The following CCDC9B variants were observed in gnomAD, a reference collection of about 807,000 sequenced individuals.
CCDC9B encodes coiled-coil domain containing 9B.
CCDC9B carries 40 observed loss-of-function variants against 47.2 expected under a neutral mutation model. That is an observed-to-expected ratio of 0.85 (90% CI 0.66 to 1.10). CCDC9B has a LOEUF of 1.10. Ranked by LOEUF, CCDC9B falls within the 50% of genes least tolerant of loss-of-function variation. CCDC9B has a pLI of 0.00. For synonymous variants in CCDC9B, 238 were observed against 250.7 expected, an observed-to-expected ratio of 0.95 and a Z score of 0.48; for missense variants, 662 against 651.0, an observed-to-expected ratio of 1.02 and a Z score of -0.18.
At chr15:40,339,686 AGG>A in intron 2 of CCDC9B, 67 bp from the exon 3 acceptor site, 2 of 1,596,686 alleles carry the variant, frequency 1.3e-6, no homozygotes, top group South Asian at 2.2e-5. Context: ...AGATGCTGAT[AGG>A]CCTACACAGA....
intron 1 of CCDC9B, 72 bp downstream of exon 1, chr15:40,340,736 G>C: frequency 6.9e-7 from 1 of 1,457,294 alleles, no homozygotes; most frequent in Non-Finnish European, 9.3e-7. Context: ...TGCCCCCAGA[G>C]GGTGGCTGCC....
Position 40,339,932 on chromosome 15 carries a change from C to T in CCDC9B, c.96G>A (p.Lys32=), listed in dbSNP as rs749899090. ...LDRRIVALRK[K]NQALLRRYQE... ...GGTACCTGCGGAGCAAGGCCTGGTT[C>T]TTCTTGCGCAGGGCAACTATCCTCC... Residue 32 remains lysine (K), a synonymous_variant, in exon 2 of 11, where the codon AAG becomes AAA. Coordinates refer to ENST00000397536, the MANE Select transcript of CCDC9B (RefSeq NM_207380.3). 2 of 1,613,838 alleles carry T rather than the reference C, an allele frequency of 1.2e-6. No homozygotes were observed. Among genetic ancestry groups the T allele is most frequent in the South Asian group, 2.2e-5 (2 of 91,086 alleles).
chr15:40,340,296 G>T, intron 1 of CCDC9B: 1 of 466,212 alleles, frequency 2.1e-6, no homozygotes, highest in Non-Finnish European at 3.8e-6. Flanking sequence ...AGCTCTCCAG[G>T]GAGCTTCACT....
At position 40,340,874 on chromosome 15, in the gene CCDC9B, G is replaced by T. The variant is rs1230768509; in HGVS notation, c.-55C>A. The T allele has an allele frequency of 6.2e-7, 1 of 1,609,100 alleles. No homozygotes were observed. The highest frequency in any genetic ancestry group is 1.3e-5 in the African/African-American group (1 of 74,834). On this transcript the variant is annotated 5_prime_UTR_variant, in exon 1 of 11. Transcript: ENST00000397536. ...AGCAGCCCCTGGGGAGCCAGAGTGGGAGGAAAGCTGGAGCCACCGGAGCCG... is the reference window on the plus strand; with the variant it reads ...AGCAGCCCCTGGGGAGCCAGAGTGGTAGGAAAGCTGGAGCCACCGGAGCCG...
At position 40,335,129 on chromosome 15, in the gene CCDC9B, G is replaced by A. The variant is rs376941842; in HGVS notation, c.*29C>T. 15 of 1,475,446 alleles carry A rather than the reference G, an allele frequency of 1.0e-5. No homozygotes were observed. The highest frequency in any genetic ancestry group is 2.8e-5 in the South Asian group (2 of 70,738). The allele number at this position is 1,475,446 out of a possible 1,614,324, so 91.4% of individuals were successfully genotyped here. A position where few individuals can be genotyped will look rare whatever the true frequency, so the allele number is the denominator to read the frequency against. ...AGAGTGATTCCCTTTTCCTCTCCCC[G>A]GGGACTCCCCAGCTCCCAGGAGCTG... On this transcript the variant is annotated 3_prime_UTR_variant, in exon 11 of 11. Transcript: ENST00000397536.
intron 1 of CCDC9B, chr15:40,340,573 A>AGAGCCAGCTCCCCTGGCG: frequency 1.9e-6 from 1 of 525,020 alleles, no homozygotes; most frequent in Non-Finnish European, 3.3e-6. Context: ...CGGGGCGGAG[A>AGAGCCAGCTCCCCTGGCG]GAGCCAGCTC....
At position 40,335,850 on chromosome 15, in the gene CCDC9B, C is replaced by T. The variant is rs763313261; in HGVS notation, c.888-24G>A. 23 of 1,603,178 alleles carry T rather than the reference C, an allele frequency of 1.4e-5. No homozygotes were observed. The East Asian group carries it at 2.2e-4, about 16-fold the overall frequency. On this transcript the variant is annotated intron_variant, in intron 9 of 10. Transcript: ENST00000397536. ...ACCTGTAGAAACACAGCTCATGGCA[C>T]GCCCCACCCCACTTCACTCCAGAGC...
chr15:40,339,588 T>A lies in CCDC9B; in HGVS notation c.155A>T (p.Gln52Leu). ...TGGTGTGGTCACAGCCATCCCCCCC[T>A]GCTCTGCCTGCCGACGGTCCTCCTG... ...EIQEDRRQAE[Q>L]GGMAVTTPAL... The change falls in exon 3 of 11, where the codon CAG becomes CTG. Residue 52 changes from glutamine (Q) to leucine (L), a missense_variant. Transcript: ENST00000397536. The A allele has an allele frequency of 4.3e-6, 7 of 1,613,566 alleles. No individual in the cohort carries two copies. Among genetic ancestry groups the A allele is most frequent in the Non-Finnish European group, 5.9e-6 (7 of 1,179,854 alleles).
rs757466661 is a variant in CCDC9B, at chr15:40,335,413, C to CA, written c.1217dup (p.Ser407ValfsTer7). 1.4e-5 allele frequency: 23 copies of CA among 1,612,604 alleles called. No individual in the cohort carries two copies. The South Asian group carries it at 2.5e-4, about 18-fold the overall frequency. On this transcript the variant is annotated frameshift_variant, in exon 11 of 11. Coordinates refer to ENST00000397536, the MANE Select transcript of CCDC9B (RefSeq NM_207380.3). LOFTEE classifies it low-confidence loss of function (END_TRUNC). ...GCTGCTTAGAGCCCTCTGGCCAAGACACAGGGCTCTCCTGGGCCCCAGGCC... is the reference window on the plus strand; with the variant it reads ...GCTGCTTAGAGCCCTCTGGCCAAGACAACAGGGCTCTCCTGGGCCCCAGGCC...
chr15:40,335,975 A>T (rs1218627009), intron 9 of CCDC9B, 149 bp from the exon 10 acceptor site: 1 of 1,492,328 alleles, frequency 6.7e-7, no homozygotes, highest in East Asian at 2.5e-5. Context: ...TGAGCAGTGG[A>T]GAAATCCCAG....
rs116424195 is a variant in CCDC9B at position 40,340,721 on chromosome 15, C to A, written c.12+87G>T. ...TTCTTCCTCCCAGCCCCAGCTGTCC[C>A]CAGCTGCCCCCAGAGGGTGGCTGCC... On this transcript the variant is annotated intron_variant, in intron 1 of 10. Coordinates refer to ENST00000397536, the MANE Select transcript of CCDC9B (RefSeq NM_207380.3). The A allele has an allele frequency of 1.8e-4, 235 of 1,320,764 alleles. No homozygotes were observed. In the African/African-American group the frequency reaches 3.3e-3, roughly 19 times the overall value. The allele number at this position is 1,320,764 out of a possible 1,614,324, so 81.8% of individuals were successfully genotyped here.
chr15:40,339,035 C>A lies in CCDC9B; in HGVS notation c.232-132G>T, dbSNP rs780915914. 1.8e-5 allele frequency: 18 copies of A among 1,019,530 alleles called. No homozygotes were observed. In the South Asian group the frequency reaches 2.4e-4, roughly 14 times the overall value. 63.2% of individuals were successfully genotyped at this position (1,019,530 alleles called of 1,614,324 possible). On this transcript the variant is annotated intron_variant, in intron 3 of 10. Transcript: ENST00000397536. ...GCATTCCCCACAGAAGAGCTGACTC[C>A]CACAGGGTGTTCACATGCCAATGGC...
intron 7 of CCDC9B, 80 bp from the exon 8 acceptor site, chr15:40,336,893 A>G (rs1888972614): frequency 2.3e-5 from 32 of 1,416,960 alleles, no homozygotes; most frequent in Non-Finnish European, 3.0e-5. Flanking sequence ...CAGCCTCAGG[A>G]AGCTGTCAGT....
intron 2 of CCDC9B, 43 bp downstream of exon 2, chr15:40,339,862 G>T: frequency 6.7e-7 from 1 of 1,502,354 alleles, no homozygotes; most frequent in Non-Finnish European, 9.2e-7. Context: ...CACAGGGAGC[G>T]GCAGCCAAGT....
chr15:40,338,594 C>A lies in CCDC9B; in HGVS notation c.454G>T (p.Gly152Trp). The A allele has an allele frequency of 1.2e-6, 2 of 1,614,140 alleles. No individual in the cohort carries two copies. The highest frequency in any genetic ancestry group is 1.7e-6 in the Non-Finnish European group (2 of 1,179,982). ...RNQGIEGSPG[G>W]RVTRSPPTQV... ...GTGGGGGGGCTTCGGGTCACACGCC[C>A]TCCAGGTGACCCCTCTATGCCTTGG... Residue 152 changes from glycine to tryptophan, a missense_variant, in exon 5 of 11, where the codon GGG becomes TGG. Coordinates refer to ENST00000397536, the MANE Select transcript of CCDC9B (RefSeq NM_207380.3).
chr15:40,339,185 C>G, intron 3 of CCDC9B: 1 of 592,628 alleles, frequency 1.7e-6, no homozygotes, highest in Non-Finnish European at 3.0e-6. Flanking sequence ...CTGCTCCTGG[C>G]ATTCAGCCCC....
In CCDC9B at chr15:40,335,340, A is replaced by G; in HGVS notation, c.1291T>C (p.Cys431Arg). The change falls in exon 11 of 11, where the codon TGC becomes CGC. Residue 431 changes from cysteine to arginine, a missense_variant. Transcript: ENST00000397536. ...CCTGCTCCTCTCTGTGGCTCAGGGC[A>G]AGTCTGTACTTCCAGCTCAGCCTGG... ...NHQAELEVQT[C>R]PEPQRGAGLP... 6.2e-7 allele frequency: 1 copy of G among 1,613,414 alleles called. No homozygotes were observed. The highest frequency in any genetic ancestry group is 1.7e-4 in the Middle Eastern group (1 of 6,058).
rs1888905136 is a variant in CCDC9B, at chr15:40,333,946, C to G, written c.*1212G>C. 6.6e-6 allele frequency: 1 copy of G among 152,572 alleles called. No individual in the cohort carries two copies. The highest frequency in any genetic ancestry group is 1.9e-4 in the East Asian group (1 of 5,202). 9.5% of individuals were successfully genotyped at this position (152,572 alleles called of 1,614,324 possible). A position where few individuals can be genotyped will look rare whatever the true frequency, so the allele number is the denominator to read the frequency against. On this transcript the variant is annotated 3_prime_UTR_variant, in exon 11 of 11. Transcript: ENST00000397536. ...AGGCACACATAACAAGAAAGAAGGG[C>G]ACTTGCTTCTGCCAGGCAGAGGTGG...
In CCDC9B at chr15:40,339,973, CCTT is replaced by C. The variant is rs755440406; in HGVS notation, c.52_54del (p.Lys18del). 6 of 1,613,716 alleles carry C rather than the reference CCTT, an allele frequency of 3.7e-6. No individual in the cohort carries two copies. In the Admixed American group the frequency reaches 5.0e-5, roughly 13 times the overall value. On this transcript the variant is annotated inframe_deletion, in exon 2 of 11. Transcript: ENST00000397536. The stretch of plus-strand genomic sequence containing the variant: ...ACTATCCTCCGATCCAGCTCTGCGT[CCTT>C]CTCCTGCCTGCTCATGGGGGACTCG...
Sources: allele counts gnomAD v4.1 joint callset, GRCh38; gene constraint gnomAD v4.1.1; transcripts MANE v1.5; gene names NCBI Gene and HGNC (gene_info 2026-07-23, HGNC 2026-07-21).